MAP7D2: variants seen among roughly 807,000 people sequenced by gnomAD.
MAP7D2 encodes the protein MAP7 domain-containing protein 2.
A neutral mutation model predicts 63.5 loss-of-function variants in MAP7D2; 33 were observed. That is an observed-to-expected ratio of 0.52 (90% confidence interval 0.39 to 0.70). MAP7D2 has a LOEUF of 0.70. MAP7D2 is among the 30% of genes least tolerant of loss of function. The pLI is 0.00. For missense variants in MAP7D2, 626 were observed against 604.0 expected (o/e 1.04, Z -0.38); for synonymous variants, 224 against 223.7 (o/e 1.00, Z -0.01).
chrX:20,115,847 TA>T (rs916096084), intron 1 of MAP7D2, among the ~76,000 whole-genome samples: 2 of 112,231 alleles, frequency 1.8e-5, no homozygotes, highest in South Asian at 7.3e-4. Context: ...TAGACTGCAA[TA>T]AAAAATGTTT....
chrX:20,045,238 C>T (rs2064764070), intron 6 of MAP7D2, among the ~76,000 whole-genome samples: 2 of 111,323 alleles, frequency 1.8e-5, no homozygotes, highest in Non-Finnish European at 3.8e-5. Flanking sequence ...GCACCTCCTC[C>T]ATTTGCTAGT....
At chrX:20,085,303 C>G (rs879074831) in intron 1 of MAP7D2, among the ~76,000 whole-genome samples, 2 of 112,170 alleles carry the variant, frequency 1.8e-5, no homozygotes, top group Non-Finnish European at 3.8e-5. Flanking sequence ...CTTGTAAAAA[C>G]CCGTAAGTAC....
At chrX:20,020,783 T>C (rs916143320) in intron 10 of MAP7D2, among the ~76,000 whole-genome samples, 1 of 112,169 alleles carries the variant, frequency 8.9e-6, no homozygotes, top group African/African-American at 3.2e-5. Flanking sequence ...GGCTAACTCT[T>C]GCTTCGACAA....
chrX:20,016,357 A>G (rs767351366), intron 10 of MAP7D2, 32 bp from the exon 11 acceptor site: 26 of 1,171,205 alleles, frequency 2.2e-5, no homozygotes, highest in South Asian at 5.5e-5. Flanking sequence ...TTAGAAGATG[A>G]CATGCTCGAA....
At chrX:20,083,770 G>A (rs1012297624) in intron 1 of MAP7D2, among the ~76,000 whole-genome samples, 2 of 111,747 alleles carry the variant, frequency 1.8e-5, no homozygotes, top group African/African-American at 6.5e-5. Context: ...AGGGGAGACT[G>A]TGTACCCCAG....
rs750780615 is a variant in MAP7D2 at position 20,079,585 on chromosome X, A to G, written c.131-14780T>C. ...TGAGAGCTTCTTCTTGGCTCCATCC[A>G]TGTGGCCTGCCCAACTGTATCCTAG... On this transcript the variant is annotated intron_variant, in intron 1 of 16. Coordinates refer to ENST00000379643, the MANE Select transcript of MAP7D2 (RefSeq NM_001168465.2). Among the ~76,000 whole-genome samples, 7 of 112,027 alleles carry G rather than the reference A, an allele frequency of 6.2e-5. No individual in the cohort carries two copies. The South Asian group carries it at 2.6e-3, about 42-fold the overall frequency.
chrX:20,097,537 C>T (rs896662032), intron 1 of MAP7D2, among the ~76,000 whole-genome samples: 2 of 112,097 alleles, frequency 1.8e-5, no homozygotes, highest in Non-Finnish European at 3.8e-5. Flanking sequence ...CTTTGACATA[C>T]TTATAGGAAG....
In MAP7D2 at chrX:20,025,780, C is replaced by T; in HGVS notation, c.1180G>A (p.Gly394Ser). 8.3e-7 allele frequency: 1 copy of T among 1,211,802 alleles called. No homozygotes were observed. The highest frequency in any genetic ancestry group is 1.1e-6 in the Non-Finnish European group (1 of 895,506). The change falls in exon 9 of 17, where the codon GGC becomes AGC. Residue 394 changes from glycine (G) to serine (S), a missense_variant. Gly to Ser is a moderately conservative substitution (Grantham distance 56). Coordinates refer to ENST00000379643, the MANE Select transcript of MAP7D2 (RefSeq NM_001168465.2). ...REGTLAQQAA[G>S]PQGEEALEKH... ...TCTAGGGCTTCCTCTCCTTGCGGGC[C>T]AGCAGCCTGCTGAGCCAAGGTACCT... is the stretch of plus-strand genomic sequence containing the variant.
intron 1 of MAP7D2, among the ~76,000 whole-genome samples, chrX:20,070,025 T>C (rs1476618631): frequency 9.0e-6 from 1 of 111,497 alleles, no homozygotes; most frequent in Non-Finnish European, 1.9e-5. Context: ...CTTGGCTCAC[T>C]GCAACCTCCG....
intron 6 of MAP7D2, among the ~76,000 whole-genome samples, 197 bp from the exon 7 acceptor site, chrX:20,044,721 G>A: frequency 9.0e-6 from 1 of 111,609 alleles, no homozygotes; most frequent in Non-Finnish European, 1.9e-5. Context: ...GTTTATTTCA[G>A]GGGTTAAAAG....
Position 20,012,504 on chromosome X carries a change from A to T in MAP7D2, c.1917T>A (p.Val639=). The T allele has an allele frequency of 8.4e-7, 1 of 1,196,261 alleles. No individual in the cohort carries two copies. The highest frequency in any genetic ancestry group is 1.1e-6 in the Non-Finnish European group (1 of 887,868). Residue 639 remains valine (V), a synonymous_variant, in exon 15 of 17, where the codon GTT becomes GTA. Transcript: ENST00000379643. ...EINGLNTCQE[V]NGVDHAAPET... The stretch of plus-strand genomic sequence containing the variant: ...CTGGGGCAGCGTGATCCACACCATT[A>T]ACTTCCTGGCAGGTGTTCAATCCAT...
chrX:20,108,032 G>A (rs111786669), intron 1 of MAP7D2, among the ~76,000 whole-genome samples: 3,586 of 110,982 alleles, frequency 0.032, 84 homozygotes, highest in African/African-American at 0.077. Flanking sequence ...ACTGGCCCAG[G>A]GCAGAGCTAT....
intron 8 of MAP7D2, among the ~76,000 whole-genome samples, chrX:20,031,847 T>C (rs1007239257): frequency 2.7e-5 from 3 of 111,846 alleles, no homozygotes; most frequent in Non-Finnish European, 5.6e-5. Flanking sequence ...CAAGTTAAAC[T>C]TTCTGATTTC....
chrX:20,016,151 C>G lies in MAP7D2; in HGVS notation c.1587G>C (p.Leu529=). 6 of 1,203,412 alleles carry G rather than the reference C, an allele frequency of 5.0e-6. No individual in the cohort carries two copies. Among genetic ancestry groups the G allele is most frequent in the Non-Finnish European group, 6.7e-6 (6 of 890,835 alleles). The stretch of plus-strand genomic sequence containing the variant: ...CTTGTTCTTGCTTTTCTTTCAACAA[C>G]AGCTCCTCCTCAGCCTTCCGCTTGG... ...EEAKRKAEEE[L]LLKEKQEQEK... is the part of the protein sequence containing the mutation. Residue 529 remains leucine (L), a synonymous_variant, in exon 11 of 17, where the codon CTG becomes CTC. Transcript: ENST00000379643.
intron 8 of MAP7D2, among the ~76,000 whole-genome samples, chrX:20,029,625 T>C (rs2073985386): frequency 9.0e-6 from 1 of 111,494 alleles, no homozygotes; most frequent in South Asian, 3.8e-4. Context: ...AACTTCTACC[T>C]GAGAAGTAAG....
rs763062233 is a variant in MAP7D2 at position 20,025,089 on chromosome X, C to A, written c.1280-6G>T. 1.7e-6 allele frequency: 2 copies of A among 1,197,590 alleles called. No individual in the cohort carries two copies. Among genetic ancestry groups the A allele is most frequent in the South Asian group, 3.7e-5 (2 of 54,339 alleles). On this transcript the variant is annotated splice_polypyrimidine_tract_variant and splice_region_variant and intron_variant, in intron 9 of 16. Transcript: ENST00000379643. ...TGCTGTGGGCTTCCCCAAGGCTGCA[C>A]CAGAGGAGAGGCATCAAGAGGAAAA...
chrX:20,114,126 T>C lies in MAP7D2; in HGVS notation c.130+2624A>G, dbSNP rs189922899. On this transcript the variant is annotated intron_variant, in intron 1 of 16. Coordinates refer to ENST00000379643, the MANE Select transcript of MAP7D2 (RefSeq NM_001168465.2). ...TCAGCTCACTGCAACCTCCGCTTCC[T>C]GGGTTCAAGCGATCCTATGCCTCAG... Among the ~76,000 whole-genome samples the C allele has an allele frequency of 2.2e-4, 25 of 112,150 alleles. 1 individual carries two copies. In the Admixed American group the frequency reaches 2.4e-3, roughly 11 times the overall value.
In MAP7D2 at chrX:20,056,751, G is replaced by A; in HGVS notation, c.413C>T (p.Thr138Ile). Residue 138 changes from threonine to isoleucine, a missense_variant, in exon 4 of 17, where the codon ACA becomes ATA. Thr to Ile is a moderately conservative substitution (Grantham distance 89, BLOSUM62 -1). Coordinates refer to ENST00000379643, the MANE Select transcript of MAP7D2 (RefSeq NM_001168465.2). ...CTTCTTTTTCAGCTCCAGCTGCTGT[G>A]TGCGCTCCAGGGACCGGCGCATCAT... ...EAMMRRSLER[T>I]QQLELKKKYS... 1 of 1,211,637 alleles carries A rather than the reference G, an allele frequency of 8.3e-7. No individual in the cohort carries two copies. The highest frequency in any genetic ancestry group is 1.1e-6 in the Non-Finnish European group (1 of 895,477).
intron 1 of MAP7D2, among the ~76,000 whole-genome samples, chrX:20,087,167 T>C (rs1293474368): frequency 8.9e-6 from 1 of 112,052 alleles, no homozygotes; most frequent in East Asian, 2.8e-4. Context: ...GGAAAATATA[T>C]TTCACTTCAC....
Sources: gnomAD v4.1 joint callset for allele counts (sites outside exome capture counted in the v4.1 genomes callset) on GRCh38, gnomAD v4.1.1 for gene constraint, MANE v1.5 for transcripts, NCBI Gene and HGNC (gene_info 2026-07-23, HGNC 2026-07-21) for gene names.